SVEP1: variants seen among roughly 807,000 people sequenced by gnomAD.
The protein encoded by SVEP1 is sushi, von Willebrand factor type A, EGF and pentraxin domain-containing protein 1.
In SVEP1, 164 loss-of-function variants were observed where a neutral mutation model predicts 367.3. That is an observed-to-expected ratio of 0.45 (90% confidence interval 0.39 to 0.51). The LOEUF is 0.51. Ranked by LOEUF, SVEP1 falls within the 20% of genes least tolerant of loss-of-function variation. The probability of loss-of-function intolerance (pLI) is 0.00; values close to 1 mark genes in which losing one functional copy is unlikely to be tolerated. For synonymous variants in SVEP1, 1,666 were observed against 1,611.6 expected, an observed-to-expected ratio of 1.03 and a Z score of -0.81; for missense variants, 4,117 against 4,425.3, an observed-to-expected ratio of 0.93 and a Z score of 1.98.
chr9:110,579,521 C>A lies in SVEP1; in HGVS notation c.23G>T (p.Cys8Phe). 1 of 1,604,086 alleles carries A rather than the reference C, an allele frequency of 6.2e-7. No homozygotes were observed. Among genetic ancestry groups the A allele is most frequent in the South Asian group, 1.1e-5 (1 of 89,636 alleles). The change falls in exon 1 of 48, where the codon TGT becomes TTT. Residue 8 changes from cysteine to phenylalanine, a missense_variant. By Grantham distance (205) the Cys-to-Phe change is radical. Transcript: ENST00000374469. This position sits in a 1 kb window ranked among gnomAD's most constrained non-coding sequence, Gnocchi z 5.3. Reference protein sequence around the residue: MWPRLAFCCWGLALVSGW... With the variant: MWPRLAFFCWGLALVSGW... Reference sequence around the variant, plus strand: ...CGAAACGAGCGCCAGACCCCAGCAACAAAAGGCCAGGCGAGGCCACATCGC... The same window carrying A: ...CGAAACGAGCGCCAGACCCCAGCAAAAAAAGGCCAGGCGAGGCCACATCGC...
At chr9:110,530,892 T>C (rs1021355981) in intron 3 of SVEP1, among the ~76,000 whole-genome samples, 1 of 152,174 alleles carries the variant, frequency 6.6e-6, no homozygotes, top group African/African-American at 2.4e-5. Flanking sequence ...CTTCTCATGA[T>C]GGTCACACAA....
chr9:110,576,344 A>C (rs1471022733), intron 1 of SVEP1, among the ~76,000 whole-genome samples: 1 of 152,168 alleles, frequency 6.6e-6, no homozygotes, highest in Non-Finnish European at 1.5e-5. Context: ...GAAGACTGAA[A>C]TATATGGTGG....
chr9:110,372,015 G>A (rs564663415), intron 46 of SVEP1, among the ~76,000 whole-genome samples: 4 of 152,020 alleles, frequency 2.6e-5, no homozygotes, highest in Admixed American at 6.5e-5. Flanking sequence ...CTTGCACTTC[G>A]CATGTGATGT....
intron 6 of SVEP1, among the ~76,000 whole-genome samples, chr9:110,499,579 G>A (rs371986490): frequency 1.1e-4 from 17 of 152,114 alleles, no homozygotes; most frequent in Admixed American, 9.2e-4. Flanking sequence ...GTCATAAATC[G>A]AATTCCATAT....
chr9:110,508,977 A>G (rs1435633557), intron 5 of SVEP1, among the ~76,000 whole-genome samples: 1 of 152,138 alleles, frequency 6.6e-6, no homozygotes, highest in Admixed American at 6.5e-5. Context: ...AATCTTACAC[A>G]TATTTTTGAG....
chr9:110,472,484 A>C (rs1829036189), intron 14 of SVEP1, among the ~76,000 whole-genome samples, 161 bp from the exon 15 acceptor site: 2 of 152,234 alleles, frequency 1.3e-5, no homozygotes, highest in Non-Finnish European at 2.9e-5. Context: ...TATATATTGT[A>C]ATTTTTGATC....
intron 17 of SVEP1, among the ~76,000 whole-genome samples, chr9:110,467,922 C>T (rs1828963037): frequency 6.6e-6 from 1 of 152,134 alleles, no homozygotes; most frequent in Non-Finnish European, 1.5e-5. Context: ...AGGTGTGAGC[C>T]ACCATATATT....
intron 9 of SVEP1, among the ~76,000 whole-genome samples, 160 bp from the exon 10 acceptor site, chr9:110,483,853 C>T (rs1315924200): frequency 2.0e-5 from 3 of 152,182 alleles, no homozygotes; most frequent in Admixed American, 6.5e-5. Context: ...TTTCCCTGAT[C>T]CCCAACACCA....
In SVEP1 at chr9:110,512,930, G is replaced by A; in HGVS notation, c.1299C>T (p.Cys433=). ...NGLWSGSESY[C]RVRTCPHLRQ... ...GTAAATTGGCAGTTTGCATACCTCT[G>A]CAGTAGCTCTCTGAACCGGACCACA... The change falls in exon 5 of 48, where the codon TGC becomes TGT. Residue 433 remains cysteine (C), a synonymous_variant. Coordinates refer to ENST00000374469, the MANE Select transcript of SVEP1 (RefSeq NM_153366.4). The A allele has an allele frequency of 6.2e-7, 1 of 1,613,968 alleles. No homozygotes were observed. Among genetic ancestry groups the A allele is most frequent in the Non-Finnish European group, 8.5e-7 (1 of 1,179,880 alleles).
intron 23 of SVEP1, 35 bp from the exon 24 acceptor site, chr9:110,450,295 G>T (rs1202689562): frequency 1.0e-5 from 16 of 1,603,292 alleles, no homozygotes; most frequent in African/African-American, 1.3e-5. Context: ...CAGCCCAAAT[G>T]ATTAACTCCC....
At chr9:110,519,658 C>A (rs1481125733) in intron 3 of SVEP1, among the ~76,000 whole-genome samples, 1 of 152,138 alleles carries the variant, frequency 6.6e-6, no homozygotes, top group Non-Finnish European at 1.5e-5. Context: ...CAGCCAATTG[C>A]CTGAGCTGGC....
At chr9:110,470,594 G>A (rs1362854054) in intron 16 of SVEP1, among the ~76,000 whole-genome samples, 1 of 151,806 alleles carries the variant, frequency 6.6e-6, no homozygotes, top group East Asian at 1.9e-4. Context: ...CATCATGCTT[G>A]GCTAATTTTT....
chr9:110,463,953 TAG>T (rs1828898991), intron 18 of SVEP1, among the ~76,000 whole-genome samples: 1 of 152,144 alleles, frequency 6.6e-6, no homozygotes, highest in African/African-American at 2.4e-5. Context: ...GCCAAAAATT[TAG>T]AGACTTTTTG....
At chr9:110,546,971 T>C (rs1830228669) in intron 2 of SVEP1, among the ~76,000 whole-genome samples, 1 of 152,170 alleles carries the variant, frequency 6.6e-6, no homozygotes, top group Non-Finnish European at 1.5e-5. Context: ...CCTTTATTCT[T>C]TTCAAGAAGT....
Position 110,406,916 on chromosome 9 carries a change from G to C in SVEP1, c.8684C>G (p.Pro2895Arg). The change falls in exon 38 of 48, where the codon CCA becomes CGA. Residue 2895 changes from proline (P) to arginine (R), a missense_variant. This residue lies in a region of SVEP1 where 1,765 missense variants were observed against 1,781.1 expected (regional missense o/e 0.99). Transcript: ENST00000374469. ...TTCCGTCACCCCATTGGCCAGTTGT[G>C]GCGGGGTGGCACATCTGACAGGCAC... is the stretch of plus-strand genomic sequence containing the variant. ...DCVPVRCATP[P>R]QLANGVTEGL... 6.2e-7 allele frequency: 1 copy of C among 1,613,846 alleles called. No homozygotes were observed. Among genetic ancestry groups the C allele is most frequent in the South Asian group, 1.1e-5 (1 of 91,084 alleles).
At chr9:110,439,783 T>C (rs940595041) in intron 27 of SVEP1, among the ~76,000 whole-genome samples, 1 of 152,158 alleles carries the variant, frequency 6.6e-6, no homozygotes, top group African/African-American at 2.4e-5. Context: ...AGGGTGTCAA[T>C]TGGAACTCTG....
At chr9:110,550,158 T>A in intron 1 of SVEP1, 54 bp from the exon 2 acceptor site, 1 of 1,598,914 alleles carries the variant, frequency 6.3e-7, no homozygotes. Flanking sequence ...GCCTACTGTG[T>A]GCTTCTCTTC....
intron 1 of SVEP1, among the ~76,000 whole-genome samples, chr9:110,575,120 G>A (rs1830611704): frequency 6.6e-6 from 1 of 152,110 alleles, no homozygotes; most frequent in Non-Finnish European, 1.5e-5. Context: ...AAAAGTCAAA[G>A]GGAAGATCAG....
intron 27 of SVEP1, among the ~76,000 whole-genome samples, chr9:110,439,634 A>G (rs1371284544): frequency 1.3e-5 from 2 of 151,990 alleles, no homozygotes; most frequent in African/African-American, 2.4e-5. Flanking sequence ...TCCTGACCCC[A>G]GGTGATCCAC....
Sources: allele counts gnomAD v4.1 joint callset (sites outside exome capture counted in the v4.1 genomes callset), GRCh38; gene constraint gnomAD v4.1.1; regional missense constraint gnomAD v4.1.1; non-coding constraint Gnocchi (gnomAD v3.1); transcripts MANE v1.5; gene names NCBI Gene and HGNC (gene_info 2026-07-23, HGNC 2026-07-21).